The following RANBP2 variants were observed in gnomAD, a reference collection of about 807,000 sequenced individuals.
The protein encoded by RANBP2 is E3 SUMO-protein ligase RanBP2.
RANBP2 carries 57 observed loss-of-function variants against 303.6 expected under a neutral mutation model. The observed-to-expected ratio is 0.19, with a 90% confidence interval of 0.15 to 0.23. RANBP2 has a LOEUF of 0.23. Ranked by LOEUF, RANBP2 falls within the 10% of genes least tolerant of loss-of-function variation. The pLI is 1.00. For missense variants in RANBP2, 3,138 were observed against 3,780.8 expected (o/e 0.83, Z 4.46); for synonymous variants, 1,167 against 1,301.5 (o/e 0.90, Z 2.23).
At chr2:109,732,902 A>G in the RANBP2 span, 1 of 873,498 alleles carries the variant, frequency 1.1e-6, no homozygotes, top group Non-Finnish European at 1.9e-6. Context: ...ACTAGATGGA[A>G]GAACACTATG....
the RANBP2 span, among the ~76,000 whole-genome samples, chr2:109,208,047 C>G: frequency 6.6e-6 from 1 of 152,082 alleles, no homozygotes; most frequent in African/African-American, 2.4e-5. Flanking sequence ...TTGTTAAATT[C>G]AACAATTCTG....
chr2:109,555,066 TCTC>T, the RANBP2 span, among the ~76,000 whole-genome samples: 1 of 152,178 alleles, frequency 6.6e-6, no homozygotes, highest in South Asian at 2.1e-4. Flanking sequence ...ACTGCAACAA[TCTC>T]CTAATTCATC....
At chr2:108,762,218 A>G in intron 19 of RANBP2, 23 bp downstream of exon 19, 1 of 1,529,334 alleles carries the variant, frequency 6.5e-7, no homozygotes, top group Non-Finnish European at 8.7e-7. Context: ...TAATTTATAC[A>G]TTTATAATTA....
chr2:108,734,504 G>C (rs1464609014), intron 4 of RANBP2, among the ~76,000 whole-genome samples: 1 of 151,356 alleles, frequency 6.6e-6, no homozygotes, highest in Non-Finnish European at 1.5e-5. Flanking sequence ...CTGAGGAAAA[G>C]AGGGAATTAG....
chr2:109,078,102 A>ATAGCG, the RANBP2 span, among the ~76,000 whole-genome samples: 9 of 90,130 alleles, frequency 1.0e-4, no homozygotes, highest in African/African-American at 3.4e-4. Flanking sequence ...ATATATATAT[A>ATAGCG]TATATATATA....
the RANBP2 span, among the ~76,000 whole-genome samples, chr2:109,160,959 C>T: frequency 0.03 from 4,589 of 152,050 alleles, 88 homozygotes; most frequent in Non-Finnish European, 0.046. Context: ...GAGAGGAGGG[C>T]GTGGCAGGGG....
At chr2:108,983,214 A>G in the RANBP2 span, among the ~76,000 whole-genome samples, 68,268 of 152,080 alleles carry the variant, frequency 0.45, 18,011 homozygotes, top group South Asian at 0.68. Flanking sequence ...ACTCTGATTT[A>G]TCTTCTTCAT....
chr2:109,147,503 A>G, the RANBP2 span, among the ~76,000 whole-genome samples: 3 of 152,232 alleles, frequency 2.0e-5, no homozygotes, highest in Admixed American at 6.5e-5. Context: ...TCTGATAAGA[A>G]GCCCACACTT....
At chr2:109,257,247 G>T in the RANBP2 span, among the ~76,000 whole-genome samples, 1 of 152,200 alleles carries the variant, frequency 6.6e-6, no homozygotes, top group South Asian at 2.1e-4. Flanking sequence ...AAGTCATGTT[G>T]TTCGTTCTGT....
the RANBP2 span, among the ~76,000 whole-genome samples, chr2:109,498,543 G>T: frequency 6.6e-6 from 1 of 152,222 alleles, no homozygotes; most frequent in Non-Finnish European, 1.5e-5. Context: ...GTGGGGAAGG[G>T]CAAAGGCTTC....
At chr2:109,727,782 G>C in the RANBP2 span, among the ~76,000 whole-genome samples, 1 of 152,136 alleles carries the variant, frequency 6.6e-6, no homozygotes, top group South Asian at 2.1e-4. Flanking sequence ...CTTACCCAGG[G>C]CTTCCCTTTG....
chr2:109,726,422 C>A, the RANBP2 span, among the ~76,000 whole-genome samples: 4 of 151,540 alleles, frequency 2.6e-5, no homozygotes, highest in African/African-American at 9.7e-5. Context: ...AAAAACCCCC[C>A]AAAAAACAAA....
chr2:109,351,260 C>A, the RANBP2 span, among the ~76,000 whole-genome samples: 5 of 152,166 alleles, frequency 3.3e-5, no homozygotes, highest in African/African-American at 1.2e-4. Flanking sequence ...CTGGCCTTGG[C>A]AGGGCCTTGC....
At chr2:108,760,312 A>G (rs1676637837) in intron 18 of RANBP2, among the ~76,000 whole-genome samples, 1 of 152,100 alleles carries the variant, frequency 6.6e-6, no homozygotes, top group African/African-American at 2.4e-5. Context: ...CCATGTTACT[A>G]TGTTGTGTGT....
At chr2:109,458,928 A>T in the RANBP2 span, among the ~76,000 whole-genome samples, 2 of 152,240 alleles carry the variant, frequency 1.3e-5, no homozygotes, top group Non-Finnish European at 2.9e-5. Flanking sequence ...CCACACTGAC[A>T]TAAAACTCAC....
the RANBP2 span, among the ~76,000 whole-genome samples, chr2:109,048,093 T>C: frequency 3.3e-5 from 5 of 152,236 alleles, no homozygotes; most frequent in Admixed American, 3.3e-4. Flanking sequence ...CTTTATAGCT[T>C]TCTAAACGTC....
At chr2:109,479,735 C>T in the RANBP2 span, among the ~76,000 whole-genome samples, 2 of 152,178 alleles carry the variant, frequency 1.3e-5, no homozygotes, top group Admixed American at 6.5e-5. Context: ...GAATGAACCC[C>T]CTTGTGAACC....
chr2:109,538,909 A>T, the RANBP2 span, among the ~76,000 whole-genome samples: 1 of 152,220 alleles, frequency 6.6e-6, no homozygotes, highest in Non-Finnish European at 1.5e-5. Flanking sequence ...TTTCAAATGT[A>T]TTGACAAGGT....
At chr2:109,225,478 A>G in the RANBP2 span, among the ~76,000 whole-genome samples, 2 of 152,190 alleles carry the variant, frequency 1.3e-5, no homozygotes, top group Non-Finnish European at 2.9e-5. Context: ...CCGACTCCCC[A>G]CTGGGGACTG....
Sources: allele counts gnomAD v4.1 joint callset (sites outside exome capture counted in the v4.1 genomes callset), GRCh38; gene constraint gnomAD v4.1.1; transcripts MANE v1.5; gene names NCBI Gene and HGNC (gene_info 2026-07-23, HGNC 2026-07-21).